Variants in CRACD observed in about 807,000 individuals in gnomAD.
CRACD encodes capping protein-inhibiting regulator of actin dynamics.
In CRACD, 56 loss-of-function variants were observed where a neutral mutation model predicts 106.8. The ratio of observed to expected loss-of-function variants is 0.52; its 90% CI spans 0.42 to 0.66. The LOEUF is 0.66. CRACD is among the 30% of genes least tolerant of loss of function. The pLI, the probability that CRACD is intolerant of heterozygous loss-of-function variation, is 0.00. For missense variants in CRACD, 1,730 were observed against 1,623.2 expected (o/e 1.07, Z -1.13); for synonymous variants, 754 against 670.8 (o/e 1.12, Z -1.92).
At chr4:56,313,527 A>T (rs1745296318) in intron 7 of CRACD, 148 bp downstream of exon 7, 1 of 705,240 alleles carries the variant, frequency 1.4e-6, no homozygotes, top group Non-Finnish European at 2.3e-6. Flanking sequence ...GTTGGGGAAT[A>T]CACAGGCCTG....
At chr4:56,100,332 AT>A (rs1733739974) in intron 1 of CRACD, among the ~76,000 whole-genome samples, 1 of 152,204 alleles carries the variant, frequency 6.6e-6, no homozygotes, top group African/African-American at 2.4e-5. Flanking sequence ...ACATAGCTAA[AT>A]TTAATAAATT....
At chr4:56,168,095 T>C (rs1736216886) in intron 1 of CRACD, among the ~76,000 whole-genome samples, 1 of 152,180 alleles carries the variant, frequency 6.6e-6, no homozygotes, top group Admixed American at 6.5e-5. Context: ...TGACCTCTAC[T>C]ACAATGTTAA....
Position 56,071,528 on chromosome 4 carries a change from A to G in CRACD, c.-336+22229A>G, listed in dbSNP as rs1397048890. Among the ~76,000 whole-genome samples the G allele has an allele frequency of 1.3e-3, 179 of 141,152 alleles. 1 individual carries two copies. The highest frequency in any genetic ancestry group is 4.6e-3 in the African/African-American group (168 of 36,798). 92.6% of individuals were successfully genotyped at this position (141,152 alleles called of 152,430 possible). On this transcript the variant is annotated intron_variant, in intron 1 of 10. Transcript: ENST00000682029. ...TTCTTTTCTTTTTTTTTTTTTGGAGATGGAATCTCACTCTGTTGCCCAGGC... is the reference window on the plus strand; with the variant it reads ...TTCTTTTCTTTTTTTTTTTTTGGAGGTGGAATCTCACTCTGTTGCCCAGGC...
chr4:56,254,210 T>C (rs950357425), intron 2 of CRACD, among the ~76,000 whole-genome samples: 6 of 152,164 alleles, frequency 3.9e-5, no homozygotes, highest in Non-Finnish European at 7.3e-5. Flanking sequence ...ACAGGGCTGT[T>C]TCATCTACAT....
At chr4:56,159,834 T>G (rs1272046605) in intron 1 of CRACD, among the ~76,000 whole-genome samples, 1 of 152,064 alleles carries the variant, frequency 6.6e-6, no homozygotes, top group Non-Finnish European at 1.5e-5. Context: ...CAGGCTGGAG[T>G]GCAATGGCAC....
intron 3 of CRACD, among the ~76,000 whole-genome samples, chr4:56,297,596 T>C (rs1293682192): frequency 6.6e-6 from 1 of 151,986 alleles, no homozygotes; most frequent in African/African-American, 2.4e-5. Flanking sequence ...TATAAATAAA[T>C]AAAAATAAAA....
intron 2 of CRACD, among the ~76,000 whole-genome samples, chr4:56,232,757 C>G (rs1739707198): frequency 7.2e-6 from 1 of 139,442 alleles, no homozygotes; most frequent in Non-Finnish European, 1.6e-5. Flanking sequence ...TGGAGTCTCA[C>G]TCTGTCACCC....
chr4:56,135,314 A>G (rs1159937378), intron 1 of CRACD, among the ~76,000 whole-genome samples: 1 of 152,206 alleles, frequency 6.6e-6, no homozygotes, highest in Non-Finnish European at 1.5e-5. Flanking sequence ...AAGCTGAGTT[A>G]TATGCTTTTG....
At chr4:56,072,127 C>CAAAA (rs531354263) in intron 1 of CRACD, among the ~76,000 whole-genome samples, 2 of 91,476 alleles carry the variant, frequency 2.2e-5, no homozygotes, top group South Asian at 3.7e-4. Flanking sequence ...GACTCCGTCT[C>CAAAA]AAAAAAAAAA....
At chr4:56,290,447 A>G (rs1358535828) in intron 3 of CRACD, among the ~76,000 whole-genome samples, 1 of 152,234 alleles carries the variant, frequency 6.6e-6, no homozygotes, top group Non-Finnish European at 1.5e-5. Context: ...ACTCCACTGT[A>G]GCTGGAGACA....
At chr4:56,134,676 A>G (rs1734939666) in intron 1 of CRACD, among the ~76,000 whole-genome samples, 1 of 152,242 alleles carries the variant, frequency 6.6e-6, no homozygotes, top group African/African-American at 2.4e-5. Context: ...CTAAGAGAGT[A>G]GACTGTGGGC....
intron 1 of CRACD, among the ~76,000 whole-genome samples, chr4:56,125,764 C>CTTCTTTTTTT (rs1420481544): frequency 4.1e-4 from 30 of 73,302 alleles, no homozygotes; most frequent in South Asian, 6.3e-4. Flanking sequence ...CATTCTTCTT[C>CTTCTTTTTTT]TTTTTTTTTT....
chr4:56,235,656 T>G (rs1176097504), intron 2 of CRACD, among the ~76,000 whole-genome samples: 1 of 152,194 alleles, frequency 6.6e-6, no homozygotes, highest in Non-Finnish European at 1.5e-5. Flanking sequence ...ATTAGTGTGT[T>G]AACTGCTCCC....
At chr4:56,287,019 C>A (rs1021166382) in intron 3 of CRACD, among the ~76,000 whole-genome samples, 1 of 152,206 alleles carries the variant, frequency 6.6e-6, no homozygotes, top group Non-Finnish European at 1.5e-5. Context: ...TTCCTAAGCT[C>A]TTGACAACTT....
chr4:56,184,079 T>C (rs183824646), intron 2 of CRACD, among the ~76,000 whole-genome samples: 1 of 152,242 alleles, frequency 6.6e-6, no homozygotes, highest in Non-Finnish European at 1.5e-5. Context: ...TTCTTTCTTT[T>C]TTTTCCCCCA....
chr4:56,081,211 T>C (rs1416838388), intron 1 of CRACD, among the ~76,000 whole-genome samples: 2 of 152,182 alleles, frequency 1.3e-5, no homozygotes, highest in African/African-American at 4.8e-5. Context: ...GTAGTACTAC[T>C]TTGCCTAGGA....
At chr4:56,259,495 G>A (rs1577817766) in intron 2 of CRACD, among the ~76,000 whole-genome samples, 1 of 152,080 alleles carries the variant, frequency 6.6e-6, no homozygotes, top group South Asian at 2.1e-4. Flanking sequence ...AGTAGGAGGT[G>A]GGGAACAGGG....
chr4:56,203,054 T>C (rs1212564055), intron 2 of CRACD, among the ~76,000 whole-genome samples: 1 of 152,218 alleles, frequency 6.6e-6, no homozygotes, highest in Admixed American at 6.5e-5. Flanking sequence ...TGATAATGCA[T>C]ATTGCAATAA....
chr4:56,261,635 C>T (rs1741712804), intron 2 of CRACD, among the ~76,000 whole-genome samples: 1 of 152,134 alleles, frequency 6.6e-6, no homozygotes, highest in South Asian at 2.1e-4. Context: ...CAGGCATGAG[C>T]CACCACACCT....
Sources: gnomAD v4.1 joint callset for allele counts (sites outside exome capture counted in the v4.1 genomes callset) on GRCh38, gnomAD v4.1.1 for gene constraint, MANE v1.5 for transcripts, NCBI Gene and HGNC (gene_info 2026-07-23, HGNC 2026-07-21) for gene names.